The following KCNS3 variants were observed in gnomAD, a reference collection of about 807,000 sequenced individuals.
The protein encoded by KCNS3 is delayed-rectifier potassium channel regulatory subunit KCNS3.
In KCNS3, 13 loss-of-function variants were observed where a neutral mutation model predicts 31.0. The ratio of observed to expected loss-of-function variants is 0.42; its 90% CI spans 0.27 to 0.67. KCNS3 has a LOEUF of 0.67. Ranked by LOEUF, KCNS3 falls within the 30% of genes least tolerant of loss-of-function variation. KCNS3 has a pLI of 0.25. For synonymous variants in KCNS3, 238 were observed against 241.5 expected, an observed-to-expected ratio of 0.99 and a Z score of 0.13; for missense variants, 545 against 622.4, an observed-to-expected ratio of 0.88 and a Z score of 1.32.
At chr2:17,924,332 T>C (rs1585529) in intron 2 of KCNS3, among the ~76,000 whole-genome samples, 61,566 of 151,822 alleles carry the variant, frequency 0.41, 12,932 homozygotes, top group Middle Eastern at 0.55. Flanking sequence ...CTTTTCAGTC[T>C]GGATGCATTT....
At chr2:17,919,192 G>A (rs1427861560) in intron 2 of KCNS3, among the ~76,000 whole-genome samples, 1 of 152,198 alleles carries the variant, frequency 6.6e-6, no homozygotes. Context: ...CCAGAGAGTA[G>A]CAGTCACACT....
chr2:17,926,121 C>T (rs942421317), intron 2 of KCNS3, among the ~76,000 whole-genome samples: 6 of 152,202 alleles, frequency 3.9e-5, no homozygotes, highest in Non-Finnish European at 5.9e-5. Context: ...ATCAGGGGAG[C>T]CATTAAGTCT....
In KCNS3 at chr2:17,884,260, AAAAAAAAAATATATATATATAT is replaced by A. The variant is rs1478210407; in HGVS notation, c.-252+5456_-252+5477del. On this transcript the variant is annotated intron_variant, in intron 1 of 2. Transcript: ENST00000304101. ...CCCTAGAACTTAAAGTATAATTAAAAAAAAAAAAATATATATATATATATATATATATATATATATATATTTA... is the reference window on the plus strand; with the variant it reads ...CCCTAGAACTTAAAGTATAATTAAAAATATATATATATATATATATATTTA... 3.2e-3 allele frequency among the ~76,000 whole-genome samples: 257 copies of A among 81,386 alleles called. 17 individuals are homozygous for A. In the East Asian group the frequency reaches 0.11, roughly 35 times the overall value. 53.4% of individuals were successfully genotyped at this position (81,386 alleles called of 152,430 possible). A position where few individuals can be genotyped will look rare whatever the true frequency, so the allele number is the denominator to read the frequency against.
In KCNS3 at chr2:17,932,769, T is replaced by G; in HGVS notation, c.*285T>G. ...GGGTGGGGTTTGTGGCTACAGCTTA[T>G]GCATCATTCTGTGTTTGTCATTTAC... On this transcript the variant is annotated 3_prime_UTR_variant, in exon 3 of 3. Transcript: ENST00000304101. 3.3e-6 allele frequency: 1 copy of G among 304,184 alleles called. No homozygotes were observed. The highest frequency in any genetic ancestry group is 6.4e-6 in the Non-Finnish European group (1 of 156,474). 18.8% of individuals were successfully genotyped at this position (304,184 alleles called of 1,614,324 possible).
At chr2:17,923,057 G>A (rs2880924) in intron 2 of KCNS3, among the ~76,000 whole-genome samples, 104,340 of 152,002 alleles carry the variant, frequency 0.69, 36,445 homozygotes, top group East Asian at 0.98. Flanking sequence ...ATTTTACATT[G>A]CTTACAATGA....
intron 2 of KCNS3, among the ~76,000 whole-genome samples, chr2:17,918,779 C>T (rs1446090282): frequency 6.6e-6 from 1 of 152,206 alleles, no homozygotes; most frequent in African/African-American, 2.4e-5. Context: ...TTGTAGATAA[C>T]ATCATAATGC....
chr2:17,891,546 G>A lies in KCNS3; in HGVS notation c.-252+12740G>A, dbSNP rs1387498430. ...CCTGTGTGATTTTTGCTTTAAAGAGGTTCTGTTTTGATGTGTTTCCAGGAT... is the reference window on the plus strand; with the variant it reads ...CCTGTGTGATTTTTGCTTTAAAGAGATTCTGTTTTGATGTGTTTCCAGGAT... On this transcript the variant is annotated intron_variant, in intron 1 of 2. Transcript: ENST00000304101. 2.0e-5 allele frequency among the ~76,000 whole-genome samples: 3 copies of A among 152,208 alleles called. No individual in the cohort carries two copies. In the East Asian group the frequency reaches 5.8e-4, roughly 29 times the overall value.
chr2:17,931,959 G>C lies in KCNS3; in HGVS notation c.951G>C (p.Leu317=), dbSNP rs1180777106. The change falls in exon 3 of 3, where the codon CTG becomes CTC. Residue 317 remains leucine, a synonymous_variant. Coordinates refer to ENST00000304101, the MANE Select transcript of KCNS3 (RefSeq NM_002252.5). This position sits in a 1 kb window ranked among gnomAD's most constrained non-coding sequence, Gnocchi z 5.4. Reference sequence around the variant, plus strand: ...GACTTCGGTCTCTAGGTGCCACACTGAGACACAGCTACCATGAAGTTGGGC... The same window carrying C: ...GACTTCGGTCTCTAGGTGCCACACTCAGACACAGCTACCATGAAGTTGGGC... ...SVGLRSLGAT[L]RHSYHEVGLL... 1 of 1,613,944 alleles carries C rather than the reference G, an allele frequency of 6.2e-7. No homozygotes were observed. Among genetic ancestry groups the C allele is most frequent in the Non-Finnish European group, 8.5e-7 (1 of 1,180,014 alleles).
intron 1 of KCNS3, among the ~76,000 whole-genome samples, chr2:17,912,730 C>T (rs13402709): frequency 0.027 from 4,100 of 152,266 alleles, 144 homozygotes; most frequent in African/African-American, 0.08. Flanking sequence ...TCTTGGGATT[C>T]CTGCAGTTGG....
chr2:17,915,394 T>A (rs759769031), intron 1 of KCNS3, among the ~76,000 whole-genome samples: 21 of 152,150 alleles, frequency 1.4e-4, no homozygotes, highest in Non-Finnish European at 2.4e-4. Context: ...TGGGAGGATA[T>A]GTTGAATGGA....
At position 17,885,213 on chromosome 2, in the gene KCNS3, T is replaced by G. The variant is rs1011964367; in HGVS notation, c.-252+6407T>G. On this transcript the variant is annotated intron_variant, in intron 1 of 2. Transcript: ENST00000304101. ...GGTGAGGAGACAGTAACCCTTCCAATGTAGATGGGATAAGGACTGATGGAG... is the reference window on the plus strand; with the variant it reads ...GGTGAGGAGACAGTAACCCTTCCAAGGTAGATGGGATAAGGACTGATGGAG... Among the ~76,000 whole-genome samples, 3 of 152,232 alleles carry G rather than the reference T, an allele frequency of 2.0e-5. No homozygotes were observed. The South Asian group carries it at 6.2e-4, about 32-fold the overall frequency.
rs1332180947 is a variant in KCNS3 at position 17,932,409 on chromosome 2, C to T, written c.1401C>T (p.Ser467=). Reference sequence around the variant, plus strand: ...GCATTGTGGTGAGCGATCCTGACTCCACAGATGCTTCAAGCATTGAAGACA... The same window carrying T: ...GCATTGTGGTGAGCGATCCTGACTCTACAGATGCTTCAAGCATTGAAGACA... ...SVGIVVSDPD[S]TDASSIEDNE... Residue 467 remains serine, a synonymous_variant, in exon 3 of 3, where the codon TCC becomes TCT. Coordinates refer to ENST00000304101, the MANE Select transcript of KCNS3 (RefSeq NM_002252.5). 1 of 1,613,968 alleles carries T rather than the reference C, an allele frequency of 6.2e-7. No individual in the cohort carries two copies. Among genetic ancestry groups the T allele is most frequent in the Non-Finnish European group, 8.5e-7 (1 of 1,180,010 alleles).
rs1417712202 is a variant in KCNS3, at chr2:17,931,251, T to C, written c.243T>C (p.Asn81=). ...RNPSLFRYVL[N]FYYTGKLHVM... ...CCTCCTTGTTCAGATATGTTTTGAA[T>C]TTTTATTACACGGGGAAGCTGCATG... The change falls in exon 3 of 3, where the codon AAT becomes AAC. Residue 81 remains asparagine (N), a synonymous_variant. Coordinates refer to ENST00000304101, the MANE Select transcript of KCNS3 (RefSeq NM_002252.5). This position sits in a 1 kb window ranked among gnomAD's most constrained non-coding sequence, Gnocchi z 5.4. The C allele has an allele frequency of 1.2e-6, 2 of 1,614,184 alleles. No individual in the cohort carries two copies. The highest frequency in any genetic ancestry group is 2.2e-5 in the South Asian group (2 of 91,076).
chr2:17,908,500 C>T (rs1386680884), intron 1 of KCNS3, among the ~76,000 whole-genome samples: 13 of 152,336 alleles, frequency 8.5e-5, no homozygotes, highest in South Asian at 2.1e-4. Context: ...CCGTTGCTGG[C>T]GTGGAGCTGC....
At chr2:17,889,108 G>A (rs114063195) in intron 1 of KCNS3, among the ~76,000 whole-genome samples, 3,816 of 151,954 alleles carry the variant, frequency 0.025, 162 homozygotes, top group African/African-American at 0.085. Flanking sequence ...TCCTTTTAGC[G>A]GTGTTTTGTA....
rs900778666 is a variant in KCNS3 at position 17,931,440 on chromosome 2, C to A, written c.432C>A (p.Ser144=). Residue 144 remains serine, a synonymous_variant, in exon 3 of 3, where the codon TCC becomes TCA. Transcript: ENST00000304101. This position sits in a 1 kb window ranked among gnomAD's most constrained non-coding sequence, Gnocchi z 5.4. ...DQKSHDVSTD[S]SFEESSLFEK... ...AAAGCCATGATGTGAGTACCGACTC[C>A]TCGTTTGAAGAGTCGTCTCTGTTTG... The A allele has an allele frequency of 1.2e-6, 2 of 1,614,016 alleles. No individual in the cohort carries two copies. Among genetic ancestry groups the A allele is most frequent in the African/African-American group, 2.7e-5 (2 of 74,902 alleles).
chr2:17,879,418 A>G (rs1229246618), intron 1 of KCNS3: 1 of 152,314 alleles, frequency 6.6e-6, no homozygotes, highest in Non-Finnish European at 1.5e-5. Context: ...GCTCTCGTGC[A>G]GCGCTGCGCC....
In KCNS3 at chr2:17,931,702, T is replaced by C; in HGVS notation, c.694T>C (p.Trp232Arg). ...AGGAGTGGAGATCGCGTGCATTGCCTGGTTCACCGGGGAGCTTGCCGTCCG... is the reference window on the plus strand; with the variant it reads ...AGGAGTGGAGATCGCGTGCATTGCCCGGTTCACCGGGGAGCTTGCCGTCCG... ...LEGVEIACIA[W>R]FTGELAVRLA... is the part of the protein sequence containing the mutation. The change falls in exon 3 of 3, where the codon TGG becomes CGG. Residue 232 changes from tryptophan (W) to arginine (R), a missense_variant. By Grantham distance (101) the Trp-to-Arg change is moderately radical. Coordinates refer to ENST00000304101, the MANE Select transcript of KCNS3 (RefSeq NM_002252.5). The surrounding 1 kb of genome is among the most constrained non-coding windows in gnomAD (Gnocchi z 5.4). 1 of 1,613,340 alleles carries C rather than the reference T, an allele frequency of 6.2e-7. No homozygotes were observed. Among genetic ancestry groups the C allele is most frequent in the Non-Finnish European group, 8.5e-7 (1 of 1,179,736 alleles).
intron 1 of KCNS3, among the ~76,000 whole-genome samples, chr2:17,890,841 C>T (rs1000324188): frequency 1.3e-5 from 2 of 152,064 alleles, no homozygotes; most frequent in Admixed American, 1.3e-4. Context: ...CATTTTATGG[C>T]CCATCATATG....
Sources: gnomAD v4.1 joint callset for allele counts (sites outside exome capture counted in the v4.1 genomes callset) on GRCh38, gnomAD v4.1.1 for gene constraint, Gnocchi (gnomAD v3.1) non-coding constraint, MANE v1.5 for transcripts, NCBI Gene and HGNC (gene_info 2026-07-23, HGNC 2026-07-21) for gene names.